The following C14orf132 variants were observed in gnomAD, a reference collection of about 807,000 sequenced individuals.
The protein encoded by C14orf132 is chromosome 14 open reading frame 132, also known as uncharacterized protein C14orf132.
In C14orf132, 6 loss-of-function variants were observed where a neutral mutation model predicts 5.8. The observed-to-expected ratio is 1.03, with a 90% CI of 0.57 to 2.04. The LOEUF (loss-of-function observed/expected upper bound fraction) is 2.04, where lower values mean the gene tolerates loss of function less well. Ranked by LOEUF, C14orf132 falls within the 30% of genes most tolerant of loss-of-function variation. C14orf132 has a pLI of 0.00. For missense variants in C14orf132, 125 were observed against 115.8 expected (o/e 1.08, Z -0.37); for synonymous variants, 51 against 49.8 (o/e 1.02, Z -0.10).
At position 96,054,216 on chromosome 14, in the gene C14orf132, G is replaced by C. The variant is rs1887114203; in HGVS notation, c.27+14689G>C. On this transcript the variant is annotated intron_variant, in intron 1 of 1. Coordinates refer to ENST00000555004, the MANE Select transcript of C14orf132 (RefSeq NM_001252507.3). ...GTTGTGTCTGTATCTTTAGCAACAG[G>C]AGGCTCACCACCTCACCAAACAGAG... is the stretch of plus-strand genomic sequence containing the variant. Among the ~76,000 whole-genome samples, 3 of 152,234 alleles carry C rather than the reference G, an allele frequency of 2.0e-5. No homozygotes were observed. The South Asian group carries it at 6.2e-4, about 32-fold the overall frequency.
chr14:96,074,792 TAACAC>T (rs1887813378), intron 1 of C14orf132, among the ~76,000 whole-genome samples: 1 of 104,400 alleles, frequency 9.6e-6, no homozygotes, highest in Admixed American at 1.1e-4. Flanking sequence ...ATCCTTTTGC[TAACAC>T]TACACTGTCT....
chr14:96,083,768 G>A (rs888735137), intron 1 of C14orf132, among the ~76,000 whole-genome samples: 1 of 152,220 alleles, frequency 6.6e-6, no homozygotes, highest in Non-Finnish European at 1.5e-5. Flanking sequence ...CATTAGTGTT[G>A]TTTTCAGCTA....
intron 1 of C14orf132, among the ~76,000 whole-genome samples, chr14:96,054,982 T>C (rs1171683030): frequency 6.6e-6 from 1 of 152,194 alleles, no homozygotes; most frequent in Non-Finnish European, 1.5e-5. Context: ...TCCTCCAGGA[T>C]TTTTACAACT....
At chr14:96,085,072 A>C (rs1707277392) in intron 1 of C14orf132, among the ~76,000 whole-genome samples, 1 of 152,158 alleles carries the variant, frequency 6.6e-6, no homozygotes, top group Non-Finnish European at 1.5e-5. Flanking sequence ...CACTCGTGGC[A>C]CTCAACCCTG....
chr14:96,061,948 A>G (rs1161430599), intron 1 of C14orf132, among the ~76,000 whole-genome samples: 1 of 152,154 alleles, frequency 6.6e-6, no homozygotes, highest in Non-Finnish European at 1.5e-5. Flanking sequence ...ATAAACAAAC[A>G]TCTCAACATA....
intron 1 of C14orf132, among the ~76,000 whole-genome samples, chr14:96,077,218 T>C (rs946054341): frequency 5.9e-5 from 9 of 152,200 alleles, no homozygotes; most frequent in Non-Finnish European, 1.0e-4. Context: ...TTTCTTTCTA[T>C]ACCAAGAGAG....
chr14:96,079,593 C>A (rs1230008543), intron 1 of C14orf132, among the ~76,000 whole-genome samples: 2 of 151,858 alleles, frequency 1.3e-5, no homozygotes, highest in African/African-American at 4.8e-5. Context: ...TGCAAGTGGG[C>A]CTTTGGTATT....
chr14:96,039,442 G>T lies in C14orf132; in HGVS notation c.-59G>T. On this transcript the variant is annotated 5_prime_UTR_variant, in exon 1 of 2. Transcript: ENST00000555004. The surrounding 1 kb of genome is among the most constrained non-coding windows in gnomAD (Gnocchi z 5.3). ...CCCGATCCCCGCCAACTGTGCAGGC[G>T]GCTGACCCGCAGCGGCAGCGGCAGC... 1.4e-6 allele frequency: 2 copies of T among 1,464,322 alleles called. No individual in the cohort carries two copies. Among genetic ancestry groups the T allele is most frequent in the East Asian group, 2.8e-5 (1 of 35,146 alleles). The allele number at this position is 1,464,322 out of a possible 1,614,324, so 90.7% of individuals were successfully genotyped here.
chr14:96,057,870 T>A (rs1221436865), intron 1 of C14orf132, among the ~76,000 whole-genome samples: 1 of 152,188 alleles, frequency 6.6e-6, no homozygotes, highest in African/African-American at 2.4e-5. Flanking sequence ...CTGAAATTCC[T>A]TCACGTCTCT....
chr14:96,040,996 G>A (rs1321892355), intron 1 of C14orf132, among the ~76,000 whole-genome samples: 2 of 152,184 alleles, frequency 1.3e-5, no homozygotes, highest in African/African-American at 2.4e-5. Context: ...TGGAGCATCA[G>A]TTGCTGCCAT....
intron 1 of C14orf132, among the ~76,000 whole-genome samples, chr14:96,050,053 TATTA>T (rs750465217): frequency 5.3e-5 from 8 of 152,338 alleles, no homozygotes; most frequent in Non-Finnish European, 1.2e-4. Context: ...TGTCCTCACT[TATTA>T]ATTCTAAATA....
At chr14:96,078,046 C>T (rs1226520357) in intron 1 of C14orf132, among the ~76,000 whole-genome samples, 2 of 152,258 alleles carry the variant, frequency 1.3e-5, no homozygotes, top group Admixed American at 1.3e-4. Flanking sequence ...AACCCTCTGG[C>T]TGCAAAGCCT....
chr14:96,087,593 T>A lies in C14orf132; in HGVS notation c.*858T>A, dbSNP rs972746724. On this transcript the variant is annotated 3_prime_UTR_variant, in exon 2 of 2. Coordinates refer to ENST00000555004, the MANE Select transcript of C14orf132 (RefSeq NM_001252507.3). The stretch of plus-strand genomic sequence containing the variant: ...ATTTGCCTGTGGTCACCAGGCAGGT[T>A]TGTGGAGGAGTCGGAACAGAAAGAT... The A allele has an allele frequency of 6.6e-6, 1 of 152,142 alleles. No individual in the cohort carries two copies. The highest frequency in any genetic ancestry group is 6.5e-5 in the Admixed American group (1 of 15,282). 9.4% of individuals were successfully genotyped at this position (152,142 alleles called of 1,614,324 possible).
chr14:96,054,427 G>C (rs1349673905), intron 1 of C14orf132, among the ~76,000 whole-genome samples: 2 of 152,278 alleles, frequency 1.3e-5, no homozygotes, highest in African/African-American at 4.8e-5. Flanking sequence ...ACCTGAGATG[G>C]GGAGGCAGGA....
At chr14:96,082,352 A>G (rs1027604294) in intron 1 of C14orf132, among the ~76,000 whole-genome samples, 1 of 152,168 alleles carries the variant, frequency 6.6e-6, no homozygotes, top group African/African-American at 2.4e-5. Flanking sequence ...AACACCCCTC[A>G]TTCTGACCAC....
At chr14:96,047,876 C>T (rs990432235) in intron 1 of C14orf132, among the ~76,000 whole-genome samples, 3 of 152,162 alleles carry the variant, frequency 2.0e-5, no homozygotes, top group African/African-American at 7.2e-5. Context: ...ACTGACTAAC[C>T]TACGTCGACA....
chr14:96,058,023 C>G (rs1460719994), intron 1 of C14orf132, among the ~76,000 whole-genome samples: 1 of 152,222 alleles, frequency 6.6e-6, no homozygotes, highest in Non-Finnish European at 1.5e-5. Context: ...TTACACAGAG[C>G]AGCACAGCTA....
At chr14:96,074,866 G>GTTT (rs33947260) in intron 1 of C14orf132, among the ~76,000 whole-genome samples, 4,870 of 150,342 alleles carry the variant, frequency 0.032, 255 homozygotes, top group African/African-American at 0.11. Context: ...CACCAAATTT[G>GTTT]TTTTCTTTTT....
chr14:96,039,948 G>T lies in C14orf132; in HGVS notation c.27+421G>T, dbSNP rs1318005365. ...GCCCTTCCCCACTCTGTTTTCCCGA[G>T]GCGCCAGTAATCTGTCTCTTGCCGG... On this transcript the variant is annotated intron_variant, in intron 1 of 1. Coordinates refer to ENST00000555004, the MANE Select transcript of C14orf132 (RefSeq NM_001252507.3). The surrounding 1 kb of genome is among the most constrained non-coding windows in gnomAD (Gnocchi z 5.3). 6.6e-6 allele frequency among the ~76,000 whole-genome samples: 1 copy of T among 152,194 alleles called. No individual in the cohort carries two copies. The highest frequency in any genetic ancestry group is 6.5e-5 in the Admixed American group (1 of 15,288).
Sources: allele counts gnomAD v4.1 joint callset (sites outside exome capture counted in the v4.1 genomes callset), GRCh38; gene constraint gnomAD v4.1.1; non-coding constraint Gnocchi (gnomAD v3.1); transcripts MANE v1.5; gene names NCBI Gene and HGNC (gene_info 2026-07-23, HGNC 2026-07-21).